The following ZNF385B variants were observed in gnomAD, a reference collection of about 807,000 sequenced individuals.
The protein encoded by ZNF385B is zinc finger protein 533.
Under a neutral mutation model 39.2 loss-of-function variants are expected in ZNF385B, and 23 were observed. The ratio of observed to expected loss-of-function variants is 0.59; its 90% CI spans 0.42 to 0.83. The LOEUF (loss-of-function observed/expected upper bound fraction) is 0.83, where lower values mean the gene tolerates loss of function less well. Ranked by LOEUF, ZNF385B falls within the 40% of genes least tolerant of loss-of-function variation. ZNF385B has a pLI of 0.00. For synonymous variants in ZNF385B, 205 were observed against 222.6 expected (o/e 0.92, Z 0.70); for missense variants, 552 against 598.9 (o/e 0.92, Z 0.82).
At chr2:179,733,158 T>C (rs371382755) in intron 3 of ZNF385B, among the ~76,000 whole-genome samples, 2 of 152,212 alleles carry the variant, frequency 1.3e-5, no homozygotes, top group African/African-American at 4.8e-5. Flanking sequence ...GAAATGATCA[T>C]AGAGGGTCAG....
chr2:179,678,192 C>T (rs1697119147), intron 3 of ZNF385B, among the ~76,000 whole-genome samples: 1 of 152,186 alleles, frequency 6.6e-6, no homozygotes, highest in African/African-American at 2.4e-5. Context: ...TTATCTGTTT[C>T]AGTCAATCTG....
At chr2:179,676,111 C>T (rs1016589960) in intron 3 of ZNF385B, among the ~76,000 whole-genome samples, 6 of 147,494 alleles carry the variant, frequency 4.1e-5, no homozygotes, top group Non-Finnish European at 7.5e-5. Flanking sequence ...TTCTTTGAGA[C>T]GGAGTTTCGC....
At chr2:179,615,230 G>T (rs1689634597) in intron 3 of ZNF385B, among the ~76,000 whole-genome samples, 1 of 152,186 alleles carries the variant, frequency 6.6e-6, no homozygotes, top group Admixed American at 6.5e-5. Flanking sequence ...CTAAATGATG[G>T]CATCAAGGTC....
At chr2:179,839,094 AAAG>A (rs1708413865) in intron 1 of ZNF385B, among the ~76,000 whole-genome samples, 1 of 152,212 alleles carries the variant, frequency 6.6e-6, no homozygotes, top group African/African-American at 2.4e-5. Flanking sequence ...GAATTCTTCT[AAAG>A]AAGATTCACA....
At chr2:179,460,003 C>T (rs913125954) in intron 6 of ZNF385B, among the ~76,000 whole-genome samples, 12 of 151,894 alleles carry the variant, frequency 7.9e-5, no homozygotes, top group African/African-American at 2.9e-4. Context: ...ACTAGGGGGG[C>T]TGAGGCAAGA....
chr2:179,604,893 A>G (rs1688678733), intron 3 of ZNF385B, among the ~76,000 whole-genome samples: 1 of 152,142 alleles, frequency 6.6e-6, no homozygotes, highest in Non-Finnish European at 1.5e-5. Context: ...TATTTTCAGT[A>G]GCACAAGAGA....
intron 5 of ZNF385B, among the ~76,000 whole-genome samples, chr2:179,494,681 C>T (rs2056005732): frequency 6.6e-6 from 1 of 151,630 alleles, no homozygotes; most frequent in Non-Finnish European, 1.5e-5. Context: ...GAAAAGTTAC[C>T]TCTTAGATTC....
intron 3 of ZNF385B, among the ~76,000 whole-genome samples, chr2:179,746,434 G>T (rs1351579001): frequency 6.6e-6 from 1 of 152,014 alleles, no homozygotes; most frequent in Non-Finnish European, 1.5e-5. Flanking sequence ...GTCCATTAAA[G>T]GGCAAATCAA....
intron 3 of ZNF385B, among the ~76,000 whole-genome samples, chr2:179,688,895 A>C (rs61241001): frequency 0.077 from 11,744 of 152,282 alleles, 611 homozygotes; most frequent in East Asian, 0.21. Flanking sequence ...TAAAAAGACT[A>C]GGTTTTAAAA....
intron 6 of ZNF385B, among the ~76,000 whole-genome samples, chr2:179,456,916 T>C (rs886604009): frequency 1.3e-5 from 2 of 152,172 alleles, no homozygotes; most frequent in Non-Finnish European, 2.9e-5. Context: ...TTTCTTTTAA[T>C]TGCGATATAG....
At chr2:179,657,559 A>C (rs1693934220) in intron 3 of ZNF385B, among the ~76,000 whole-genome samples, 1 of 152,224 alleles carries the variant, frequency 6.6e-6, no homozygotes, top group African/African-American at 2.4e-5. Flanking sequence ...CTATAATTTA[A>C]AGTTAGATCT....
At chr2:179,472,542 T>C (rs976398556) in intron 6 of ZNF385B, among the ~76,000 whole-genome samples, 2 of 152,214 alleles carry the variant, frequency 1.3e-5, no homozygotes, top group African/African-American at 4.8e-5. Flanking sequence ...TAAGAACTTC[T>C]AGTGTTTGAT....
In ZNF385B at chr2:179,784,211, G is replaced by A. The variant is rs560507545; in HGVS notation, c.-154-13539C>T. ...GCTGGAGGCTATCATCCTTAGCAAA[G>A]TAATGCAAGAACAGAAAACGGAATA... On this transcript the variant is annotated intron_variant, in intron 1 of 9. Transcript: ENST00000410066. Among the ~76,000 whole-genome samples the A allele has an allele frequency of 1.6e-4, 24 of 152,140 alleles. 1 individual carries two copies. The South Asian group carries it at 4.8e-3, about 30-fold the overall frequency.
At chr2:179,494,873 C>T (rs1218956627) in intron 5 of ZNF385B, among the ~76,000 whole-genome samples, 1 of 152,116 alleles carries the variant, frequency 6.6e-6, no homozygotes, top group Non-Finnish European at 1.5e-5. Context: ...AAAGATATTT[C>T]ATATGAGTAA....
chr2:179,476,345 A>G (rs758652373), intron 6 of ZNF385B, among the ~76,000 whole-genome samples: 2 of 152,226 alleles, frequency 1.3e-5, no homozygotes, highest in Admixed American at 1.3e-4. Context: ...AAAGAGATAA[A>G]TACTAGTTAA....
chr2:179,818,646 G>A (rs1044536513), intron 1 of ZNF385B, among the ~76,000 whole-genome samples: 1 of 152,092 alleles, frequency 6.6e-6, no homozygotes, highest in Non-Finnish European at 1.5e-5. Context: ...GCACTGACAC[G>A]GTATGCTGGA....
At chr2:179,698,885 A>G (rs1288789669) in intron 3 of ZNF385B, among the ~76,000 whole-genome samples, 2 of 152,148 alleles carry the variant, frequency 1.3e-5, no homozygotes, top group East Asian at 3.8e-4. Flanking sequence ...AAATCAAAAG[A>G]TCATCTTCTG....
chr2:179,833,657 G>A (rs1708098926), intron 1 of ZNF385B, among the ~76,000 whole-genome samples: 1 of 152,018 alleles, frequency 6.6e-6, no homozygotes, highest in Non-Finnish European at 1.5e-5. Flanking sequence ...TGGTAGTACT[G>A]AATATGCCTT....
At chr2:179,652,805 T>C (rs537355172) in intron 3 of ZNF385B, among the ~76,000 whole-genome samples, 2 of 150,588 alleles carry the variant, frequency 1.3e-5, no homozygotes, top group South Asian at 4.2e-4. Context: ...ACCTTACCTA[T>C]TGATTTGGTC....
Sources: gnomAD v4.1 joint callset for allele counts (sites outside exome capture counted in the v4.1 genomes callset) on GRCh38, gnomAD v4.1.1 for gene constraint, MANE v1.5 for transcripts, NCBI Gene and HGNC (gene_info 2026-07-23, HGNC 2026-07-21) for gene names.